FOXP2: variants seen among roughly 807,000 people sequenced by gnomAD.
FOXP2 encodes forkhead box P2.
Under a neutral mutation model 115.8 loss-of-function variants are expected in FOXP2, and 12 were observed. The ratio of observed to expected loss-of-function variants is 0.10; its 90% CI spans 0.07 to 0.17. FOXP2 has a LOEUF of 0.17. Among genes scored for constraint, FOXP2 ranks in the 10% least tolerant of loss-of-function variants. The pLI is 1.00. For missense variants in FOXP2, 629 were observed against 843.5 expected (o/e 0.75, Z 3.15); for synonymous variants, 328 against 297.7 (o/e 1.10, Z -1.05).
intron 1 of FOXP2, among the ~76,000 whole-genome samples, chr7:114,423,311 T>A (rs188785873): frequency 6.6e-6 from 1 of 151,758 alleles, no homozygotes; most frequent in East Asian, 1.9e-4. Flanking sequence ...CCAGTGTCAG[T>A]TTAATGTTTC....
chr7:114,645,099 G>A (rs1348101903), intron 8 of FOXP2: 3 of 139,406 alleles, frequency 2.2e-5, no homozygotes, highest in African/African-American at 9.1e-5. Flanking sequence ...TAAGTTTTAA[G>A]TTTCTAATTA....
intron 2 of FOXP2, among the ~76,000 whole-genome samples, chr7:114,458,436 C>A (rs1351350016): frequency 6.6e-6 from 1 of 151,510 alleles, no homozygotes; most frequent in East Asian, 1.9e-4. Context: ...CCTTGTCTAA[C>A]TTTCAACAGG....
At chr7:114,460,318 A>T (rs1328614748) in intron 2 of FOXP2, among the ~76,000 whole-genome samples, 1 of 152,198 alleles carries the variant, frequency 6.6e-6, no homozygotes, top group Non-Finnish European at 1.5e-5. Flanking sequence ...ACAAGCCTTC[A>T]GTTAAAAACT....
At chr7:114,513,222 A>G (rs1014660597) in intron 2 of FOXP2, among the ~76,000 whole-genome samples, 2 of 152,202 alleles carry the variant, frequency 1.3e-5, no homozygotes, top group Admixed American at 1.3e-4. Context: ...AAAATGTTAT[A>G]TTCTGTAATT....
chr7:114,295,769 T>C (rs1796728612), intron 2 of FOXP2, among the ~76,000 whole-genome samples: 1 of 152,158 alleles, frequency 6.6e-6, no homozygotes, highest in African/African-American at 2.4e-5. Flanking sequence ...TGTGAGAGCC[T>C]GGGGAGAGCT....
At chr7:114,158,532 T>TA (rs764187791), upstream of FOXP2, among the ~76,000 whole-genome samples, 1 of 152,046 alleles carries the variant, frequency 6.6e-6, no homozygotes, top group Non-Finnish European at 1.5e-5. Context: ...TTATGGGTCT[T>TA]AAAAAAACAC....
At chr7:114,675,298 C>T (rs1807695492) in intron 16 of FOXP2, among the ~76,000 whole-genome samples, 1 of 151,556 alleles carries the variant, frequency 6.6e-6, no homozygotes, top group African/African-American at 2.4e-5. Context: ...ACCAGTTTTC[C>T]TGTGAAACTT....
At chr7:114,631,390 T>C in intron 5 of FOXP2, 138 bp from the exon 6 acceptor site, 1 of 1,419,072 alleles carries the variant, frequency 7.0e-7, no homozygotes, top group Non-Finnish European at 9.6e-7. Flanking sequence ...CTTACTCACA[T>C]TCTGCCCCTG....
At chr7:114,475,314 C>T (rs1796209934) in intron 2 of FOXP2, among the ~76,000 whole-genome samples, 1 of 151,960 alleles carries the variant, frequency 6.6e-6, no homozygotes, top group Middle Eastern at 3.2e-3. Context: ...AAAATTTTAC[C>T]TTATTTGAAT....
chr7:114,686,846 T>C (rs2129352853), intron 16 of FOXP2, among the ~76,000 whole-genome samples: 1 of 152,186 alleles, frequency 6.6e-6, no homozygotes, highest in South Asian at 2.1e-4. Context: ...TAAGACATTT[T>C]CTTTTAATGA....
intron 3 of FOXP2, among the ~76,000 whole-genome samples, chr7:114,587,256 T>C (rs563979454): frequency 1.3e-5 from 2 of 152,210 alleles, no homozygotes; most frequent in Non-Finnish European, 2.9e-5. Flanking sequence ...GGCCCTGGTG[T>C]GTGATGTTTC....
intron 2 of FOXP2, among the ~76,000 whole-genome samples, chr7:114,308,694 A>G (rs931444938): frequency 1.3e-4 from 20 of 152,202 alleles, no homozygotes; most frequent in African/African-American, 4.3e-4. Context: ...CTGTTCATCA[A>G]TTACCTTGGC....
At chr7:114,199,172 G>A (rs1459085077) in intron 1 of FOXP2, among the ~76,000 whole-genome samples, 1 of 152,082 alleles carries the variant, frequency 6.6e-6, no homozygotes, top group Non-Finnish European at 1.5e-5. Flanking sequence ...GTCACCCGCT[G>A]TGCCTGGCCC....
chr7:114,588,170 G>A (rs559112984), intron 3 of FOXP2, among the ~76,000 whole-genome samples: 7 of 151,692 alleles, frequency 4.6e-5, no homozygotes, highest in Non-Finnish European at 8.8e-5. Flanking sequence ...ATTAGCCAAG[G>A]ATGATGGTGG....
At chr7:114,374,348 G>T (rs1562892298) in intron 2 of FOXP2, among the ~76,000 whole-genome samples, 1 of 152,106 alleles carries the variant, frequency 6.6e-6, no homozygotes. Context: ...AAAACTTTAT[G>T]AATATTTCCT....
chr7:114,185,501 G>T (rs1421442046), intron 1 of FOXP2, among the ~76,000 whole-genome samples: 1 of 152,140 alleles, frequency 6.6e-6, no homozygotes, highest in East Asian at 1.9e-4. Context: ...TTAGCCTAGT[G>T]CCTGGAACAT....
chr7:114,640,323 A>G (rs1186388324), intron 6 of FOXP2, among the ~76,000 whole-genome samples: 1 of 152,160 alleles, frequency 6.6e-6, no homozygotes, highest in Non-Finnish European at 1.5e-5. Context: ...ATGGAAAAAA[A>G]ATGGGTTGTA....
chr7:114,314,499 A>G (rs1434575757), intron 2 of FOXP2, among the ~76,000 whole-genome samples: 1 of 152,126 alleles, frequency 6.6e-6, no homozygotes, highest in African/African-American at 2.4e-5. Context: ...AGCAATTTTC[A>G]CATAGTTCAA....
intron 2 of FOXP2, among the ~76,000 whole-genome samples, chr7:114,445,820 A>G (rs1157246583): frequency 1.3e-5 from 2 of 152,094 alleles, no homozygotes; most frequent in East Asian, 3.8e-4. Flanking sequence ...AGTTTAAGAA[A>G]TTACCTTCAG....
Sources: gnomAD v4.1 joint callset for allele counts (sites outside exome capture counted in the v4.1 genomes callset) on GRCh38, gnomAD v4.1.1 for gene constraint, MANE v1.5 for transcripts, NCBI Gene and HGNC (gene_info 2026-07-23, HGNC 2026-07-21) for gene names.